FRAS1: variants seen among roughly 807,000 people sequenced by gnomAD.
FRAS1 encodes Fraser extracellular matrix complex subunit 1.
FRAS1 carries 290 observed loss-of-function variants against 435.2 expected under a neutral mutation model. That is an observed-to-expected ratio of 0.67 (90% CI 0.61 to 0.73). FRAS1 has a LOEUF of 0.73. Ranked by LOEUF, FRAS1 falls within the 30% of genes least tolerant of loss-of-function variation. The pLI is 0.00. For synonymous variants in FRAS1, 1,800 were observed against 1,851.0 expected, an observed-to-expected ratio of 0.97 and a Z score of 0.71; for missense variants, 4,860 against 5,001.5, an observed-to-expected ratio of 0.97 and a Z score of 0.85.
rs542618366 is a variant in FRAS1 at position 78,340,675 on chromosome 4, A to G, written c.2422+2858A>G. ...AAATACCACAGACTGGGTGGCTCAA[A>G]CAATGGAAATTTATTTTCTCCAAGT... On this transcript the variant is annotated intron_variant, in intron 20 of 73. Transcript: ENST00000512123. Among the ~76,000 whole-genome samples the G allele has an allele frequency of 5.9e-5, 9 of 152,306 alleles. No individual in the cohort carries two copies. The South Asian group carries it at 1.7e-3, about 28-fold the overall frequency.
Position 78,308,085 on chromosome 4 carries a change from A to G in FRAS1, c.1554A>G (p.Ala518=). The G allele has an allele frequency of 1.2e-6, 2 of 1,613,130 alleles. No homozygotes were observed. The highest frequency in any genetic ancestry group is 1.1e-5 in the South Asian group (1 of 90,998). The change falls in exon 15 of 74, where the codon GCA becomes GCG. Residue 518 remains alanine, a synonymous_variant. Transcript: ENST00000512123. ...CTGCAGTCTGCCATGAGTCCTGTGCAGGTTGCTGGGGCCCAACGGAGAAGC... is the reference window on the plus strand; with the variant it reads ...CTGCAGTCTGCCATGAGTCCTGTGCGGGTTGCTGGGGCCCAACGGAGAAGC... The part of the protein sequence containing the change: ...HSCAVCHESC[A]GCWGPTEKHC...
At position 78,470,031 on chromosome 4, in the gene FRAS1, T is replaced by C. The variant is rs538408668; in HGVS notation, c.7311T>C (p.Asp2437=). Residue 2437 remains aspartate, a synonymous_variant, in exon 51 of 74, where the codon GAT becomes GAC. Transcript: ENST00000512123. The part of the protein sequence containing the change: ...PFRVDILPVD[D]GTPRIVTNLG... ...GAGTAGACATCCTCCCGGTAGATGA[T>C]GGCACGCCTAGAATTGTCACCAACC... 1 of 1,613,806 alleles carries C rather than the reference T, an allele frequency of 6.2e-7. No homozygotes were observed. Among genetic ancestry groups the C allele is most frequent in the South Asian group, 1.1e-5 (1 of 91,042 alleles).
chr4:78,073,005 C>T (rs185741496), intron 2 of FRAS1, among the ~76,000 whole-genome samples: 1 of 152,140 alleles, frequency 6.6e-6, no homozygotes, highest in East Asian at 1.9e-4. Flanking sequence ...GAAAGAAGCC[C>T]TTACAGAAGG....
intron 14 of FRAS1, among the ~76,000 whole-genome samples, chr4:78,306,909 G>A (rs1238040133): frequency 1.3e-5 from 2 of 152,338 alleles, no homozygotes; most frequent in African/African-American, 4.8e-5. Flanking sequence ...TGCTGGTGAG[G>A]AACTGCGTTC....
chr4:78,220,210 A>G (rs1288567083), intron 2 of FRAS1, among the ~76,000 whole-genome samples: 1 of 152,218 alleles, frequency 6.6e-6, no homozygotes, highest in Non-Finnish European at 1.5e-5. Context: ...TTTCTGATGC[A>G]GTAGATTAGA....
chr4:78,499,553 T>A (rs572032334), intron 60 of FRAS1, among the ~76,000 whole-genome samples, 168 bp from the exon 61 acceptor site: 1 of 152,330 alleles, frequency 6.6e-6, no homozygotes, highest in East Asian at 1.9e-4. Context: ...TCCAAAGCAT[T>A]GTTTAGCAGT....
chr4:78,468,710 C>G lies in FRAS1; in HGVS notation c.7258-1268C>G, dbSNP rs549572858. 4.6e-5 allele frequency among the ~76,000 whole-genome samples: 7 copies of G among 152,302 alleles called. No individual in the cohort carries two copies. In the East Asian group the frequency reaches 1.3e-3, roughly 29 times the overall value. On this transcript the variant is annotated intron_variant, in intron 50 of 73. Transcript: ENST00000512123. ...TTTGTTAGCCAGCTCTCCTGTAGTT[C>G]ATAAACCTCGCCTGGGAAAAACTTC...
At chr4:78,262,150 CTCTTA>C (rs990500832) in intron 6 of FRAS1, among the ~76,000 whole-genome samples, 2 of 152,140 alleles carry the variant, frequency 1.3e-5, no homozygotes, top group African/African-American at 4.8e-5. Flanking sequence ...CTGCCCAGCC[CTCTTA>C]TCTTCTGATC....
chr4:78,509,748 A>G (rs959512942), intron 63 of FRAS1, among the ~76,000 whole-genome samples: 1 of 152,232 alleles, frequency 6.6e-6, no homozygotes, highest in Non-Finnish European at 1.5e-5. Flanking sequence ...ATACTGATAA[A>G]GCTGGTTCTC....
At chr4:78,371,165 C>G (rs1731492326) in intron 23 of FRAS1, among the ~76,000 whole-genome samples, 1 of 150,192 alleles carries the variant, frequency 6.7e-6, no homozygotes, top group Admixed American at 6.6e-5. Context: ...CAAATCCACT[C>G]CATTATAAAT....
chr4:78,066,642 T>A (rs781339619), intron 2 of FRAS1, among the ~76,000 whole-genome samples: 7 of 152,110 alleles, frequency 4.6e-5, no homozygotes, highest in Non-Finnish European at 7.4e-5. Flanking sequence ...TTGAAAAGAC[T>A]GTCTACACTC....
At chr4:78,086,418 C>A (rs569017040) in intron 2 of FRAS1, among the ~76,000 whole-genome samples, 2 of 152,200 alleles carry the variant, frequency 1.3e-5, no homozygotes, top group African/African-American at 4.8e-5. Flanking sequence ...CAAGAAATAA[C>A]TAAGATCAGA....
chr4:78,086,789 C>A (rs1326547051), intron 2 of FRAS1, among the ~76,000 whole-genome samples: 1 of 152,032 alleles, frequency 6.6e-6, no homozygotes, highest in African/African-American at 2.4e-5. Flanking sequence ...TAATAGCTTA[C>A]CAACCAAAAA....
At chr4:78,312,179 C>CATATATATATATATAT (rs10526590) in intron 15 of FRAS1, among the ~76,000 whole-genome samples, 1,785 of 128,430 alleles carry the variant, frequency 0.014, 59 homozygotes, top group African/African-American at 0.027. Context: ...ATCTGAAGTC[C>CATATATATATATATAT]ATATATATAT....
At chr4:78,337,179 G>T (rs1337389026) in intron 19 of FRAS1, among the ~76,000 whole-genome samples, 1 of 152,172 alleles carries the variant, frequency 6.6e-6, no homozygotes, top group Admixed American at 6.5e-5. Context: ...GGCTTGAAGG[G>T]AGTGTCTGGA....
At chr4:78,495,983 C>T (rs1008043380) in intron 59 of FRAS1, among the ~76,000 whole-genome samples, 2 of 152,100 alleles carry the variant, frequency 1.3e-5, no homozygotes, top group Non-Finnish European at 2.9e-5. Context: ...CACCATTTAG[C>T]GTGACTTAGG....
chr4:78,493,102 A>G (rs1720412906), intron 59 of FRAS1, among the ~76,000 whole-genome samples: 1 of 152,234 alleles, frequency 6.6e-6, no homozygotes, highest in South Asian at 2.1e-4. Flanking sequence ...AACCACAATG[A>G]GATACCATCT....
At chr4:78,410,725 G>A (rs1733299737) in intron 31 of FRAS1, among the ~76,000 whole-genome samples, 1 of 152,192 alleles carries the variant, frequency 6.6e-6, no homozygotes, top group African/African-American at 2.4e-5. Context: ...TTAAAGTGGG[G>A]AGTAATTATG....
intron 56 of FRAS1, among the ~76,000 whole-genome samples, chr4:78,481,363 A>G (rs900834348): frequency 6.6e-6 from 1 of 152,240 alleles, no homozygotes; most frequent in Non-Finnish European, 1.5e-5. Flanking sequence ...TTCAGGCTCC[A>G]TAGAGTCCCC....
Sources: allele counts gnomAD v4.1 joint callset (sites outside exome capture counted in the v4.1 genomes callset), GRCh38; gene constraint gnomAD v4.1.1; transcripts MANE v1.5; gene names NCBI Gene and HGNC (gene_info 2026-07-23, HGNC 2026-07-21).